The following EHBP1 variants were observed in gnomAD, a reference collection of about 807,000 sequenced individuals.
EHBP1 encodes EH domain-binding protein 1.
Under a neutral mutation model 144.0 loss-of-function variants are expected in EHBP1, and 55 were observed. That is an observed-to-expected ratio of 0.38 (90% CI 0.31 to 0.48). EHBP1 has a LOEUF of 0.48. Among genes scored for constraint, EHBP1 ranks in the 20% least tolerant of loss-of-function variants. The pLI is 0.98. For missense variants in EHBP1, 1,200 were observed against 1,364.2 expected (o/e 0.88, Z 1.90); for synonymous variants, 469 against 472.7 (o/e 0.99, Z 0.10).
chr2:62,905,986 G>A (rs908040069), intron 10 of EHBP1, among the ~76,000 whole-genome samples: 1 of 151,720 alleles, frequency 6.6e-6, no homozygotes, highest in Non-Finnish European at 1.5e-5. Flanking sequence ...TAATTCACAA[G>A]AGATGCTTTT....
At chr2:62,856,344 C>A (rs1314980999) in intron 7 of EHBP1, among the ~76,000 whole-genome samples, 1 of 152,218 alleles carries the variant, frequency 6.6e-6, no homozygotes, top group Non-Finnish European at 1.5e-5. Context: ...CTGGCATCTC[C>A]AAGCTTCCAG....
intron 5 of EHBP1, among the ~76,000 whole-genome samples, chr2:62,822,722 G>A (rs1360510190): frequency 3.9e-5 from 6 of 152,088 alleles, no homozygotes; most frequent in African/African-American, 1.4e-4. Context: ...TCAACACTTG[G>A]TAATGTTCAA....
At chr2:62,998,079 A>G (rs528639020) in intron 19 of EHBP1, among the ~76,000 whole-genome samples, 2 of 152,342 alleles carry the variant, frequency 1.3e-5, no homozygotes, top group South Asian at 2.1e-4. Context: ...TTCTCATTAT[A>G]TAGGTGAGGA....
intron 10 of EHBP1, among the ~76,000 whole-genome samples, chr2:62,934,297 T>C (rs2056216047): frequency 6.6e-6 from 1 of 152,236 alleles, no homozygotes; most frequent in South Asian, 2.1e-4. Flanking sequence ...TGTGCAGTAG[T>C]ACCTTGTGTA....
chr2:62,841,270 C>G (rs1278041020), intron 7 of EHBP1, among the ~76,000 whole-genome samples: 1 of 144,630 alleles, frequency 6.9e-6, no homozygotes, highest in Non-Finnish European at 1.5e-5. Context: ...TATTCTCACT[C>G]ATAGGTGGGA....
chr2:62,726,212 A>G (rs888058795), intron 2 of EHBP1, among the ~76,000 whole-genome samples: 5 of 152,146 alleles, frequency 3.3e-5, no homozygotes, highest in Non-Finnish European at 5.9e-5. Context: ...TACTGCCCCT[A>G]CCACTTCTCT....
chr2:62,763,295 C>T (rs570974063), intron 3 of EHBP1, among the ~76,000 whole-genome samples: 29 of 152,182 alleles, frequency 1.9e-4, no homozygotes, highest in Non-Finnish European at 1.3e-4. Context: ...TTTGTGTTCT[C>T]TTCCTACTGT....
chr2:62,943,960 A>T, intron 12 of EHBP1, 110 bp downstream of exon 12: 5 of 694,790 alleles, frequency 7.2e-6, no homozygotes, highest in Non-Finnish European at 1.2e-5. Flanking sequence ...ACTACAACTC[A>T]CAGAGGGTTG....
intron 10 of EHBP1, among the ~76,000 whole-genome samples, chr2:62,884,145 C>T (rs1305702301): frequency 1.3e-5 from 2 of 152,180 alleles, no homozygotes; most frequent in Non-Finnish European, 2.9e-5. Context: ...CCAAAGGAAT[C>T]ACAAGTAATA....
chr2:63,035,245 GC>G (rs2061405540), intron 19 of EHBP1, among the ~76,000 whole-genome samples: 2 of 151,898 alleles, frequency 1.3e-5, no homozygotes, highest in Admixed American at 6.6e-5. Flanking sequence ...GTATACTATC[GC>G]AGATAAGGAT....
At chr2:62,868,212 T>TA (rs1157711315) in intron 9 of EHBP1, among the ~76,000 whole-genome samples, 5 of 151,720 alleles carry the variant, frequency 3.3e-5, no homozygotes, top group South Asian at 2.1e-4. Flanking sequence ...CTGTCTCTAC[T>TA]AAAAAAAATA....
intron 19 of EHBP1, among the ~76,000 whole-genome samples, chr2:63,008,766 A>G (rs1365065011): frequency 1.3e-5 from 2 of 151,630 alleles, no homozygotes; most frequent in Non-Finnish European, 3.0e-5. Context: ...AAAATATATA[A>G]GGTTAGATTG....
intron 2 of EHBP1, among the ~76,000 whole-genome samples, chr2:62,710,639 A>G (rs1240688587): frequency 1.3e-5 from 2 of 152,068 alleles, no homozygotes; most frequent in African/African-American, 4.8e-5. Flanking sequence ...ATTATTTCAC[A>G]CATCTTTGCC....
At chr2:62,724,873 A>G (rs1323243008) in intron 2 of EHBP1, among the ~76,000 whole-genome samples, 1 of 152,200 alleles carries the variant, frequency 6.6e-6, no homozygotes, top group Non-Finnish European at 1.5e-5. Flanking sequence ...TGCTCATGCA[A>G]GGGATGTAAC....
chr2:62,751,211 C>T (rs533180889), intron 3 of EHBP1, among the ~76,000 whole-genome samples: 11 of 152,256 alleles, frequency 7.2e-5, no homozygotes, highest in South Asian at 6.2e-4. Context: ...TGAATTTTGT[C>T]GAAGGCCTTT....
chr2:62,763,575 TAGTTG>T (rs1238281247), intron 3 of EHBP1, among the ~76,000 whole-genome samples: 1 of 152,164 alleles, frequency 6.6e-6, no homozygotes, highest in Non-Finnish European at 1.5e-5. Context: ...GGTGAAGACT[TAGTTG>T]AGTTGAGATG....
At chr2:62,713,167 T>C (rs746001416) in intron 2 of EHBP1, among the ~76,000 whole-genome samples, 3 of 151,962 alleles carry the variant, frequency 2.0e-5, no homozygotes, top group Non-Finnish European at 4.4e-5. Context: ...GAGGCCAATG[T>C]GTGGACAGAT....
intron 10 of EHBP1, among the ~76,000 whole-genome samples, chr2:62,911,230 A>G (rs540285867): frequency 4.6e-5 from 7 of 152,276 alleles, no homozygotes; most frequent in Admixed American, 2.6e-4. Flanking sequence ...CAGTGTGCTC[A>G]TCTATAAAAT....
At chr2:62,764,592 C>G (rs2041029431) in intron 4 of EHBP1, among the ~76,000 whole-genome samples, 1 of 152,056 alleles carries the variant, frequency 6.6e-6, no homozygotes, top group South Asian at 2.1e-4. Flanking sequence ...TGACATAGTT[C>G]TTTTACCACT....
Sources: gnomAD v4.1 joint callset for allele counts (sites outside exome capture counted in the v4.1 genomes callset) on GRCh38, gnomAD v4.1.1 for gene constraint, MANE v1.5 for transcripts, NCBI Gene and HGNC (gene_info 2026-07-23, HGNC 2026-07-21) for gene names.